Variants in LARGE1 observed in about 807,000 individuals in gnomAD.
The protein encoded by LARGE1 is LARGE xylosyl- and glucuronyltransferase 1, also known as xylosyl- and glucuronyltransferase LARGE1.
Under a neutral mutation model 87.6 loss-of-function variants are expected in LARGE1, and 43 were observed. The observed-to-expected ratio is 0.49, with a 90% confidence interval of 0.38 to 0.63. LARGE1 has a LOEUF of 0.63. LARGE1 is among the 30% of genes least tolerant of loss of function. The probability of loss-of-function intolerance (pLI) is 0.00; values close to 1 mark genes in which losing one functional copy is unlikely to be tolerated. For synonymous variants in LARGE1, 434 were observed against 394.6 expected (o/e 1.10, Z -1.18); for missense variants, 802 against 1,000.2 (o/e 0.80, Z 2.67).
At chr22:33,538,522 T>A (rs1039060091) in intron 6 of LARGE1, among the ~76,000 whole-genome samples, 4 of 152,216 alleles carry the variant, frequency 2.6e-5, no homozygotes, top group African/African-American at 9.7e-5. Context: ...CCCTGAAGGT[T>A]AATGAAAAAC....
At chr22:33,724,442 T>G (rs1334086707) in intron 2 of LARGE1, among the ~76,000 whole-genome samples, 1 of 152,074 alleles carries the variant, frequency 6.6e-6, no homozygotes, top group Non-Finnish European at 1.5e-5. Context: ...GAGGTGGAAG[T>G]GGGAATCCCT....
At position 33,457,293 on chromosome 22, in the gene LARGE1, C is replaced by CTTT. The variant is rs759460321; in HGVS notation, c.788-25031_788-25029dup. 8.0e-3 allele frequency among the ~76,000 whole-genome samples: 597 copies of CTTT among 74,932 alleles called. 7 individuals carry two copies. Among genetic ancestry groups the CTTT allele is most frequent in the African/African-American group, 0.011 (199 of 18,142 alleles). 49.2% of individuals were successfully genotyped at this position (74,932 alleles called of 152,430 possible). ...CAGGTGCCTGCCACCACGCCTGGCT[C>CTTT]TTTTTTTTTTTTTTTTTTTTTTTTT... is the stretch of plus-strand genomic sequence containing the variant. On this transcript the variant is annotated intron_variant, in intron 6 of 14. Coordinates refer to ENST00000397394, the MANE Select transcript of LARGE1 (RefSeq NM_133642.5).
the LARGE1 span, among the ~76,000 whole-genome samples, chr22:33,156,326 C>A: frequency 6.6e-6 from 1 of 152,112 alleles, no homozygotes; most frequent in African/African-American, 2.4e-5. Context: ...GCTGGTGGGG[C>A]AGAATGGGGA....
chr22:33,864,817 T>C (rs936334876), intron 1 of LARGE1, among the ~76,000 whole-genome samples: 1 of 152,226 alleles, frequency 6.6e-6, no homozygotes, highest in Admixed American at 6.5e-5. Context: ...ACAGCACTTT[T>C]AGCCCACAGT....
At chr22:33,831,365 C>A (rs532219516) in intron 1 of LARGE1, among the ~76,000 whole-genome samples, 9 of 152,302 alleles carry the variant, frequency 5.9e-5, no homozygotes, top group East Asian at 1.9e-4. Context: ...ATGCACCCCC[C>A]CTCTGCTTTG....
At chr22:33,522,888 G>C (rs1198635563) in intron 6 of LARGE1, among the ~76,000 whole-genome samples, 2 of 151,914 alleles carry the variant, frequency 1.3e-5, no homozygotes, top group Non-Finnish European at 2.9e-5. Context: ...CACACCTGTA[G>C]TCTCAGTTAC....
At chr22:33,209,940 C>T (rs376083485) in intron 11 of LARGE1, among the ~76,000 whole-genome samples, 4 of 152,332 alleles carry the variant, frequency 2.6e-5, no homozygotes, top group Admixed American at 1.3e-4. Flanking sequence ...TGAGCCACCA[C>T]GCCCGGCTGT....
chr22:33,655,401 G>C (rs191905147), intron 2 of LARGE1, among the ~76,000 whole-genome samples: 6 of 152,190 alleles, frequency 3.9e-5, no homozygotes, highest in Non-Finnish European at 7.4e-5. Flanking sequence ...AGATCTTCCT[G>C]GGTCTCGAGC....
At chr22:33,395,226 C>CAAAAAAAAAAAAAAAAAAA (rs3071528) in intron 7 of LARGE1, among the ~76,000 whole-genome samples, 1 of 61,640 alleles carries the variant, frequency 1.6e-5, no homozygotes, top group Admixed American at 2.0e-4. Flanking sequence ...GACTCTGCCT[C>CAAAAAAAAAAAAAAAAAAA]AAAAAAAAAA....
chr22:33,835,784 G>A (rs1047376784), intron 1 of LARGE1, among the ~76,000 whole-genome samples: 1 of 152,184 alleles, frequency 6.6e-6, no homozygotes, highest in African/African-American at 2.4e-5. Context: ...ATAAAATCGA[G>A]CATGTGAGGT....
chr22:33,760,221 A>G (rs2084671685), intron 2 of LARGE1, among the ~76,000 whole-genome samples: 1 of 152,174 alleles, frequency 6.6e-6, no homozygotes, highest in African/African-American at 2.4e-5. Context: ...TCAGCTCTTC[A>G]CCACTGCCGT....
chr22:33,575,666 C>T (rs998474570), intron 5 of LARGE1, among the ~76,000 whole-genome samples: 2 of 152,168 alleles, frequency 1.3e-5, no homozygotes, highest in African/African-American at 2.4e-5. Flanking sequence ...CAACCCTAGC[C>T]CAAAATAAGA....
chr22:33,126,541 G>T, the LARGE1 span, among the ~76,000 whole-genome samples: 5 of 152,168 alleles, frequency 3.3e-5, no homozygotes, highest in Admixed American at 2.6e-4. Context: ...CCTGAGAAAA[G>T]GTCTAGGTGG....
intron 6 of LARGE1, among the ~76,000 whole-genome samples, chr22:33,538,145 T>C (rs1265702310): frequency 6.6e-6 from 1 of 152,162 alleles, no homozygotes; most frequent in African/African-American, 2.4e-5. Flanking sequence ...TGGAATTCCC[T>C]GCTATTTGGA....
At chr22:33,247,423 T>G (rs1000952965) in intron 11 of LARGE1, among the ~76,000 whole-genome samples, 6 of 152,270 alleles carry the variant, frequency 3.9e-5, no homozygotes, top group African/African-American at 1.4e-4. Context: ...GCTGATAATT[T>G]TCTTCCTTTG....
intron 1 of LARGE1, among the ~76,000 whole-genome samples, chr22:33,874,978 T>C (rs2064418677): frequency 6.6e-6 from 1 of 152,192 alleles, no homozygotes; most frequent in African/African-American, 2.4e-5. Context: ...CAAGATGACA[T>C]GACTAAGCAG....
chr22:33,198,790 A>C (rs148748290), intron 11 of LARGE1, among the ~76,000 whole-genome samples: 1 of 152,164 alleles, frequency 6.6e-6, no homozygotes, highest in South Asian at 2.1e-4. Context: ...TGCTATTGTG[A>C]ATAGTGCTGT....
At chr22:33,110,473 G>A in the LARGE1 span, 3 of 152,216 alleles carry the variant, frequency 2.0e-5, no homozygotes, top group Non-Finnish European at 4.4e-5. Context: ...ACATTGCTGT[G>A]TGTGGATATG....
chr22:33,174,505 G>A (rs559376338), intron 11 of LARGE1, among the ~76,000 whole-genome samples: 1 of 152,236 alleles, frequency 6.6e-6, no homozygotes, highest in Non-Finnish European at 1.5e-5. Context: ...AGAACCAAAG[G>A]AGATAGAGGC....
Sources: allele counts gnomAD v4.1 joint callset (sites outside exome capture counted in the v4.1 genomes callset), GRCh38; gene constraint gnomAD v4.1.1; transcripts MANE v1.5; gene names NCBI Gene and HGNC (gene_info 2026-07-23, HGNC 2026-07-21).